The following ATOSB variants were observed in gnomAD, a reference collection of about 807,000 sequenced individuals.
ATOSB encodes the protein atos homolog B.
At chr9:35,116,372 C>G in the ATOSB span, 1 of 152,676 alleles carries the variant, frequency 6.5e-6, no homozygotes, top group Non-Finnish European at 1.5e-5. Flanking sequence ...GGTCCCACCC[C>G]GGCCACGTGC....
chr9:35,105,082 A>G, the ATOSB span: 1 of 956,238 alleles, frequency 1.0e-6, no homozygotes, highest in South Asian at 2.0e-5. The surrounding 1 kb of genome is among the most constrained non-coding windows in gnomAD (Gnocchi z 5.5). Flanking sequence ...TTAAACACCC[A>G]AATAATCCAT....
chr9:35,114,573 G>T, the ATOSB span, among the ~76,000 whole-genome samples: 1 of 152,230 alleles, frequency 6.6e-6, no homozygotes, highest in Admixed American at 6.5e-5. Flanking sequence ...AAGCAGAGGA[G>T]CCCTCAAGAG....
the ATOSB span, among the ~76,000 whole-genome samples, chr9:35,113,629 A>AAAAT: frequency 4.9e-3 from 696 of 142,524 alleles, 2 homozygotes; most frequent in African/African-American, 0.012. Context: ...CTCCGTCTCA[A>AAAAT]AAATAAATAA....
the ATOSB span, chr9:35,104,426 C>G: frequency 1.2e-5 from 2 of 172,714 alleles, no homozygotes; most frequent in African/African-American, 4.8e-5. Context: ...GACTCTGCCC[C>G]CTGGACACCT....
At chr9:35,107,793 G>A in the ATOSB span, 5 of 1,573,244 alleles carry the variant, frequency 3.2e-6, no homozygotes, top group Admixed American at 5.5e-5. Context: ...ATCTGGGGAG[G>A]CCCAGTCTCT....
the ATOSB span, among the ~76,000 whole-genome samples, chr9:35,115,052 G>T: frequency 1.3e-5 from 2 of 152,068 alleles, no homozygotes; most frequent in South Asian, 4.2e-4. Flanking sequence ...GGGCGGGGGA[G>T]GGGGGAGACA....
At chr9:35,113,686 C>T in the ATOSB span, among the ~76,000 whole-genome samples, 2 of 151,830 alleles carry the variant, frequency 1.3e-5, no homozygotes, top group African/African-American at 4.8e-5. Context: ...AGAGGCCTTA[C>T]CTTCCTGCCC....
At chr9:35,105,874 C>G in the ATOSB span, 1 of 1,614,018 alleles carries the variant, frequency 6.2e-7, no homozygotes, top group Non-Finnish European at 8.5e-7. This position sits in a 1 kb window ranked among gnomAD's most constrained non-coding sequence, Gnocchi z 5.5. Flanking sequence ...ACAGGACAGT[C>G]AAGGTTGGTA....
the ATOSB span, among the ~76,000 whole-genome samples, chr9:35,113,820 T>C: frequency 2.0e-5 from 3 of 152,110 alleles, no homozygotes; most frequent in Admixed American, 1.3e-4. Flanking sequence ...CAACTTTGTT[T>C]CGTTCATGCT....
chr9:35,107,711 A>G, the ATOSB span: 6 of 1,602,546 alleles, frequency 3.7e-6, no homozygotes, highest in Non-Finnish European at 5.1e-6. Context: ...TGTGCAAATC[A>G]GTGTCAAGTG....
the ATOSB span, chr9:35,107,393 T>C: frequency 6.2e-7 from 1 of 1,613,232 alleles, no homozygotes; most frequent in African/African-American, 1.3e-5. Context: ...AAACAGGCTC[T>C]TTGGGCCCAG....
the ATOSB span, chr9:35,108,574 C>G: frequency 1.3e-4 from 158 of 1,202,298 alleles, no homozygotes; most frequent in Middle Eastern, 3.3e-4. Flanking sequence ...ACACTTCCCC[C>G]TCTTCTCCCT....
the ATOSB span, chr9:35,107,423 G>A: frequency 5.6e-6 from 9 of 1,614,038 alleles, no homozygotes; most frequent in Non-Finnish European, 7.6e-6. Flanking sequence ...GGCTCCAGAA[G>A]GGTGTGGCTT....
At chr9:35,110,889 C>T in the ATOSB span, 2 of 152,196 alleles carry the variant, frequency 1.3e-5, no homozygotes, top group African/African-American at 4.8e-5. Flanking sequence ...TATCCATGTG[C>T]TTTCCACCCT....
At chr9:35,108,531 G>A in the ATOSB span, 1 of 1,217,510 alleles carries the variant, frequency 8.2e-7, no homozygotes, top group Non-Finnish European at 1.0e-6. Context: ...CTCCTGAGAG[G>A]GTGACAGGTT....
At chr9:35,107,874 G>A in the ATOSB span, 1 of 1,596,322 alleles carries the variant, frequency 6.3e-7, no homozygotes, top group Non-Finnish European at 8.5e-7. Flanking sequence ...AGTCCAAGAT[G>A]AGGTGACACT....
the ATOSB span, chr9:35,105,943 C>T: frequency 6.2e-7 from 1 of 1,614,152 alleles, no homozygotes; most frequent in East Asian, 2.2e-5. The surrounding 1 kb of genome is among the most constrained non-coding windows in gnomAD (Gnocchi z 5.5). Context: ...AAACTCACCA[C>T]TTGGACGGTG....
the ATOSB span, chr9:35,106,989 C>G: frequency 3.7e-6 from 4 of 1,080,690 alleles, no homozygotes; most frequent in Non-Finnish European, 4.1e-6. The surrounding 1 kb of genome is among the most constrained non-coding windows in gnomAD (Gnocchi z 4.6). Context: ...ACCCTGCCCC[C>G]CAGGCCTCCA....
chr9:35,113,462 A>G, the ATOSB span, among the ~76,000 whole-genome samples: 1 of 152,058 alleles, frequency 6.6e-6, no homozygotes, highest in African/African-American at 2.4e-5. Flanking sequence ...CGTCTCTACT[A>G]AAAATACAAA....
Sources: allele counts gnomAD v4.1 joint callset (sites outside exome capture counted in the v4.1 genomes callset), GRCh38; gene constraint gnomAD v4.1.1; non-coding constraint Gnocchi (gnomAD v3.1); transcripts MANE v1.5; gene names NCBI Gene and HGNC (gene_info 2026-07-23, HGNC 2026-07-21).